Variants in DPP10 observed in about 807,000 individuals in gnomAD.
DPP10 encodes dipeptidyl peptidase like 10.
A neutral mutation model predicts 120.9 loss-of-function variants in DPP10; 33 were observed. The observed-to-expected ratio is 0.27, with a 90% CI of 0.21 to 0.37. DPP10 has a LOEUF of 0.37. Ranked by LOEUF, DPP10 falls within the 10% of genes least tolerant of loss-of-function variation. The pLI is 1.00. For synonymous variants in DPP10, 337 were observed against 326.1 expected, an observed-to-expected ratio of 1.03 and a Z score of -0.36; for missense variants, 816 against 942.8, an observed-to-expected ratio of 0.87 and a Z score of 1.76.
intron 8 of DPP10, among the ~76,000 whole-genome samples, chr2:115,735,347 C>T (rs1314682795): frequency 6.6e-6 from 1 of 152,014 alleles, no homozygotes; most frequent in African/African-American, 2.4e-5. Flanking sequence ...GAAATGCCCC[C>T]ATTAATAATA....
chr2:115,055,862 T>C (rs962764809), intron 1 of DPP10, among the ~76,000 whole-genome samples: 2 of 152,186 alleles, frequency 1.3e-5, no homozygotes, highest in Non-Finnish European at 1.5e-5. Context: ...TCCTGTCATA[T>C]AAAAAATGTA....
chr2:115,713,097 G>T (rs1182120791), intron 7 of DPP10, among the ~76,000 whole-genome samples: 1 of 151,886 alleles, frequency 6.6e-6, no homozygotes, highest in Non-Finnish European at 1.5e-5. Context: ...ATATGAGAAT[G>T]ATTTTTTTAT....
intron 3 of DPP10, among the ~76,000 whole-genome samples, chr2:115,372,801 T>C (rs1204748738): frequency 1.3e-5 from 2 of 152,130 alleles, no homozygotes; most frequent in East Asian, 3.9e-4. Flanking sequence ...GTAGGGAGAA[T>C]GAGTGCAGTT....
At chr2:115,824,896 T>C (rs1182000946) in intron 21 of DPP10, among the ~76,000 whole-genome samples, 1 of 152,178 alleles carries the variant, frequency 6.6e-6, no homozygotes, top group Non-Finnish European at 1.5e-5. Context: ...AAAATGTTAG[T>C]CCTATAAACA....
At chr2:114,864,183 T>C (rs1690042690) in intron 1 of DPP10, among the ~76,000 whole-genome samples, 3 of 152,230 alleles carry the variant, frequency 2.0e-5, no homozygotes, top group Admixed American at 2.0e-4. Context: ...CTCTCTTTTT[T>C]TCCATGGAAA....
At chr2:115,590,475 T>C (rs1213318756) in intron 5 of DPP10, among the ~76,000 whole-genome samples, 3 of 152,178 alleles carry the variant, frequency 2.0e-5, no homozygotes, top group African/African-American at 7.2e-5. Context: ...GCTTCATCCA[T>C]GTCCCTACAA....
chr2:115,299,939 A>G (rs1427320856), intron 1 of DPP10, among the ~76,000 whole-genome samples: 1 of 151,980 alleles, frequency 6.6e-6, no homozygotes, highest in African/African-American at 2.4e-5. Context: ...ACCACATTGA[A>G]TTTTCCTTAA....
intron 7 of DPP10, among the ~76,000 whole-genome samples, chr2:115,727,107 T>A (rs1219879959): frequency 6.6e-6 from 1 of 152,150 alleles, no homozygotes; most frequent in Non-Finnish European, 1.5e-5. Flanking sequence ...ATTGTGACAT[T>A]GTTTAGTTTG....
chr2:114,488,323 T>C (rs1448051210), intron 1 of DPP10, among the ~76,000 whole-genome samples: 2 of 152,156 alleles, frequency 1.3e-5, no homozygotes, highest in African/African-American at 4.8e-5. Context: ...ACTTTGTGCC[T>C]CAGTTTCTTT....
chr2:114,678,030 A>C (rs1343439979), intron 1 of DPP10, among the ~76,000 whole-genome samples: 2 of 152,158 alleles, frequency 1.3e-5, no homozygotes, highest in African/African-American at 4.8e-5. Flanking sequence ...AACATGATAA[A>C]TGAATTAGGT....
chr2:114,948,339 C>A (rs1020972733), intron 1 of DPP10, among the ~76,000 whole-genome samples: 1 of 151,912 alleles, frequency 6.6e-6, no homozygotes, highest in Non-Finnish European at 1.5e-5. Context: ...TATTTCTTAT[C>A]TCTACAAAGA....
intron 2 of DPP10, among the ~76,000 whole-genome samples, chr2:115,320,953 G>A (rs1021638212): frequency 4.6e-5 from 7 of 151,998 alleles, no homozygotes; most frequent in African/African-American, 1.7e-4. Context: ...GAATATCTTG[G>A]TTTCTCCTTC....
At chr2:114,985,402 A>G (rs1285084694) in intron 1 of DPP10, among the ~76,000 whole-genome samples, 1 of 152,202 alleles carries the variant, frequency 6.6e-6, no homozygotes, top group Non-Finnish European at 1.5e-5. Context: ...CAGTTGCCAC[A>G]GTCTAAATTA....
intron 1 of DPP10, among the ~76,000 whole-genome samples, chr2:115,201,881 G>A (rs2055754283): frequency 6.6e-6 from 1 of 152,022 alleles, no homozygotes; most frequent in African/African-American, 2.4e-5. Context: ...TTTGAAGAAG[G>A]AAAACATTAG....
intron 1 of DPP10, among the ~76,000 whole-genome samples, chr2:115,221,499 T>C (rs1442938297): frequency 6.6e-6 from 1 of 152,126 alleles, no homozygotes; most frequent in Non-Finnish European, 1.5e-5. Flanking sequence ...GAGTTAATAA[T>C]AAAAGGGGAT....
At chr2:114,850,245 T>G (rs1688854892) in intron 1 of DPP10, among the ~76,000 whole-genome samples, 2 of 152,150 alleles carry the variant, frequency 1.3e-5, no homozygotes, top group South Asian at 2.1e-4. Flanking sequence ...CAGGCTGGTC[T>G]CAAACTCCTG....
chr2:114,533,805 T>A (rs924536444), intron 1 of DPP10, among the ~76,000 whole-genome samples: 1 of 152,210 alleles, frequency 6.6e-6, no homozygotes, highest in African/African-American at 2.4e-5. Context: ...AGGGTTATTG[T>A]TGAGAAACCT....
chr2:114,619,811 C>T (rs557202015), intron 1 of DPP10, among the ~76,000 whole-genome samples: 1 of 152,040 alleles, frequency 6.6e-6, no homozygotes, highest in African/African-American at 2.4e-5. Context: ...ATTAAAGGAT[C>T]TGGGTGGAGG....
At chr2:115,208,136 C>T (rs2056274617) in intron 1 of DPP10, among the ~76,000 whole-genome samples, 1 of 150,930 alleles carries the variant, frequency 6.6e-6, no homozygotes, top group Non-Finnish European at 1.5e-5. Context: ...TAGATAGTAT[C>T]AAAGCTAGAA....
Sources: gnomAD v4.1 joint callset for allele counts (sites outside exome capture counted in the v4.1 genomes callset) on GRCh38, gnomAD v4.1.1 for gene constraint, MANE v1.5 for transcripts, NCBI Gene and HGNC (gene_info 2026-07-23, HGNC 2026-07-21) for gene names.